The following GPHN variants were observed in gnomAD, a reference collection of about 807,000 sequenced individuals.
GPHN encodes the protein gephyrin.
A neutral mutation model predicts 95.5 loss-of-function variants in GPHN; 17 were observed. That is an observed-to-expected ratio of 0.18 (90% CI 0.12 to 0.27). The LOEUF is 0.27. Among genes scored for constraint, GPHN ranks in the 10% least tolerant of loss-of-function variants. GPHN has a pLI of 1.00. For missense variants in GPHN, 660 were observed against 978.1 expected, an observed-to-expected ratio of 0.67 and a Z score of 4.34; for synonymous variants, 320 against 322.5, an observed-to-expected ratio of 0.99 and a Z score of 0.08.
the GPHN span, among the ~76,000 whole-genome samples, chr14:67,214,062 T>A: frequency 1.3e-5 from 2 of 152,216 alleles, no homozygotes; most frequent in Non-Finnish European, 2.9e-5. Context: ...ATTCTGGATA[T>A]TAGCCCTTTG....
At chr14:66,775,682 A>G (rs148288985) in intron 2 of GPHN, among the ~76,000 whole-genome samples, 20 of 152,266 alleles carry the variant, frequency 1.3e-4, no homozygotes, top group African/African-American at 4.8e-4. Flanking sequence ...TCCCATTTTT[A>G]TAATAGAGAT....
chr14:67,168,953 G>A lies in GPHN; in HGVS notation c.1996G>A (p.Val666Ile), dbSNP rs766402125. 6 of 1,611,512 alleles carry A rather than the reference G, an allele frequency of 3.7e-6. No homozygotes were observed. The highest frequency in any genetic ancestry group is 5.1e-6 in the Non-Finnish European group (6 of 1,177,754). Reference sequence around the variant, plus strand: ...TTCAGGGAATCCTGTATCGGCTGTGGTCACCTGCAATCTCTTTGTTGTGCC... The same window carrying A: ...TTCAGGGAATCCTGTATCGGCTGTGATCACCTGCAATCTCTTTGTTGTGCC... ...ALPGNPVSAVVTCNLFVVPAL... is the reference protein window; with the variant it reads ...ALPGNPVSAVITCNLFVVPAL... Residue 666 changes from valine to isoleucine, a missense_variant, in exon 21 of 23, where the codon GTC (valine) becomes ATC (isoleucine). By Grantham distance (29) the Val-to-Ile change is conservative. Around this residue, in one of 6 missense-constraint regions of GPHN, gnomAD observed 257 missense variants for 376.2 expected, o/e 0.68. Transcript: ENST00000478722.
the GPHN span, among the ~76,000 whole-genome samples, chr14:67,537,435 CA>C: frequency 5.3e-5 from 8 of 150,036 alleles, no homozygotes; most frequent in African/African-American, 2.0e-4. Flanking sequence ...AATAATGAGG[CA>C]GGTGGGTCAC....
chr14:67,619,175 T>C, the GPHN span, among the ~76,000 whole-genome samples: 1 of 152,232 alleles, frequency 6.6e-6, no homozygotes, highest in Non-Finnish European at 1.5e-5. Context: ...TAAATTATTA[T>C]TCGTTATTAA....
At chr14:67,380,561 A>T in the GPHN span, 3 of 537,542 alleles carry the variant, frequency 5.6e-6, no homozygotes, top group South Asian at 5.7e-5. Context: ...TAACTATTAT[A>T]TGCTTAACTA....
the GPHN span, among the ~76,000 whole-genome samples, chr14:67,642,803 T>TTTTTC: frequency 0.012 from 1,525 of 125,922 alleles, 93 homozygotes; most frequent in African/African-American, 0.044. Flanking sequence ...CTTTTTTTTT[T>TTTTTC]TTTTTTTTTT....
intron 10 of GPHN, among the ~76,000 whole-genome samples, chr14:67,026,646 T>G (rs997270366): frequency 6.6e-6 from 1 of 152,122 alleles, no homozygotes; most frequent in East Asian, 1.9e-4. Flanking sequence ...TTTGTTTGTT[T>G]GTTTTGTTTT....
At chr14:67,638,880 C>T in the GPHN span, among the ~76,000 whole-genome samples, 110 of 152,330 alleles carry the variant, frequency 7.2e-4, no homozygotes, top group Middle Eastern at 0.01. Context: ...CTTCCAGTGT[C>T]CACTGTCTAG....
the GPHN span, among the ~76,000 whole-genome samples, chr14:67,621,735 G>A: frequency 6.6e-6 from 1 of 151,886 alleles, no homozygotes; most frequent in Admixed American, 6.6e-5. Flanking sequence ...GTGAGCCACT[G>A]TGCCCAGCTA....
Position 67,124,789 on chromosome 14 carries a change from G to A in GPHN, c.1748+2412G>A, listed in dbSNP as rs112596753. 8.1e-5 allele frequency among the ~76,000 whole-genome samples: 12 copies of A among 148,658 alleles called. 2 individuals are homozygous for A. Among genetic ancestry groups the A allele is most frequent in the African/African-American group, 3.1e-4 (12 of 39,198 alleles). ...CTAATTTGTTCTGGACTATAATTCT[G>A]CCCATTCTCCCTCTTACTGTTATAC... On this transcript the variant is annotated intron_variant, in intron 17 of 22. Coordinates refer to ENST00000478722, the MANE Select transcript of GPHN (RefSeq NM_020806.5).
intron 3 of GPHN, among the ~76,000 whole-genome samples, chr14:66,797,656 C>T (rs1595933003): frequency 1.3e-5 from 2 of 151,912 alleles, no homozygotes; most frequent in South Asian, 4.2e-4. Flanking sequence ...AAAAATGCTA[C>T]TGATTTTTGT....
intron 9 of GPHN, among the ~76,000 whole-genome samples, chr14:66,973,326 T>G (rs1245637806): frequency 6.6e-6 from 1 of 152,212 alleles, no homozygotes; most frequent in Non-Finnish European, 1.5e-5. Flanking sequence ...CTTCATTAAA[T>G]TTTTGAAGAT....
intron 9 of GPHN, among the ~76,000 whole-genome samples, chr14:66,993,228 T>C (rs1179622877): frequency 6.6e-6 from 1 of 151,654 alleles, no homozygotes; most frequent in African/African-American, 2.4e-5. Flanking sequence ...TCTCTAGCTA[T>C]TCTCTCTCTC....
At chr14:67,027,923 A>G (rs1713331917) in intron 10 of GPHN, among the ~76,000 whole-genome samples, 1 of 152,186 alleles carries the variant, frequency 6.6e-6, no homozygotes, top group Non-Finnish European at 1.5e-5. Flanking sequence ...GAAATATACA[A>G]TACATTGATG....
chr14:67,021,622 A>G (rs1376973851), intron 9 of GPHN, among the ~76,000 whole-genome samples: 1 of 152,088 alleles, frequency 6.6e-6, no homozygotes, highest in African/African-American at 2.4e-5. Context: ...CACCATTTCC[A>G]TTATATACAT....
intron 1 of GPHN, among the ~76,000 whole-genome samples, chr14:66,531,063 C>A (rs1307870303): frequency 1.4e-5 from 2 of 145,884 alleles, no homozygotes; most frequent in African/African-American, 2.6e-5. Flanking sequence ...TCAAGTAATT[C>A]TCTTCCCAAA....
chr14:66,689,025 G>T (rs990296571), intron 2 of GPHN, among the ~76,000 whole-genome samples: 1 of 152,014 alleles, frequency 6.6e-6, no homozygotes, highest in Non-Finnish European at 1.5e-5. Context: ...TAACACACCT[G>T]CATATTGTGC....
At chr14:67,280,365 G>A in the GPHN span, among the ~76,000 whole-genome samples, 1 of 152,104 alleles carries the variant, frequency 6.6e-6, no homozygotes. Context: ...TTTTAGGTGT[G>A]AAAAAAGATA....
the GPHN span, among the ~76,000 whole-genome samples, chr14:67,695,338 T>A: frequency 6.6e-6 from 1 of 152,210 alleles, no homozygotes. Flanking sequence ...TGAGGTAGCC[T>A]TACCCTCGGG....
Sources: gnomAD v4.1 joint callset for allele counts (sites outside exome capture counted in the v4.1 genomes callset) on GRCh38, gnomAD v4.1.1 for gene constraint, gnomAD v4.1.1 regional missense constraint, MANE v1.5 for transcripts, NCBI Gene and HGNC (gene_info 2026-07-23, HGNC 2026-07-21) for gene names.